Variants in KDM5C observed in about 807,000 individuals in gnomAD.
KDM5C encodes lysine demethylase 5C, also known as lysine-specific demethylase 5C.
KDM5C carries 16 observed loss-of-function variants against 110.6 expected under a neutral mutation model. The observed-to-expected ratio is 0.14, with a 90% CI of 0.10 to 0.22. The LOEUF is 0.22. KDM5C is among the 10% of genes least tolerant of loss of function. The pLI is 1.00. For missense variants in KDM5C, 681 were observed against 1,300.9 expected (o/e 0.52, Z 7.33); for synonymous variants, 511 against 520.4 (o/e 0.98, Z 0.24).
chrX:53,198,965 G>A lies in KDM5C; in HGVS notation c.2243+12C>T. On this transcript the variant is annotated intron_variant, in intron 15 of 25. Coordinates refer to ENST00000375401, the MANE Select transcript of KDM5C (RefSeq NM_004187.5). ...TTCTTGCCCCACTTCCTCCAGAAAGGCCCATGCTCACCGCAGGTACTGCCG... is the reference window on the plus strand; with the variant it reads ...TTCTTGCCCCACTTCCTCCAGAAAGACCCATGCTCACCGCAGGTACTGCCG... 3.3e-6 allele frequency: 4 copies of A among 1,211,755 alleles called. No individual in the cohort carries two copies. Among genetic ancestry groups the A allele is most frequent in the Non-Finnish European group, 4.5e-6 (4 of 895,342 alleles).
chrX:53,223,325 C>T (rs1361807138), intron 1 of KDM5C, among the ~76,000 whole-genome samples: 1 of 111,482 alleles, frequency 9.0e-6, no homozygotes, highest in Non-Finnish European at 1.9e-5. Flanking sequence ...TGACCCTCTA[C>T]CCACTGCCAC....
intron 7 of KDM5C, 115 bp downstream of exon 7, chrX:53,215,680 G>A (rs2073720107): frequency 1.3e-6 from 1 of 750,067 alleles, no homozygotes. Context: ...CCTGAGGGCA[G>A]GGCCCATGGA....
Position 53,215,170 on chromosome X carries a change from C to G in KDM5C, c.964-323G>C, listed in dbSNP as rs781787160. On this transcript the variant is annotated intron_variant, in intron 7 of 25. Coordinates refer to ENST00000375401, the MANE Select transcript of KDM5C (RefSeq NM_004187.5). ...ATGTGTTCATAAAAATTAAAAATTG[C>G]CAATAGCGGTCCATAAAGGGCACTG... is the stretch of plus-strand genomic sequence containing the variant. The G allele has an allele frequency of 7.3e-6, 3 of 410,346 alleles. No homozygotes were observed. The East Asian group carries it at 1.7e-4, about 24-fold the overall frequency. 33.8% of individuals were successfully genotyped at this position (410,346 alleles called of 1,213,427 possible). A position where few individuals can be genotyped will look rare whatever the true frequency, so the allele number is the denominator to read the frequency against.
At chrX:53,180,446 G>C (rs1164679320) in intron 25 of KDM5C, among the ~76,000 whole-genome samples, 1 of 111,680 alleles carries the variant, frequency 9.0e-6, no homozygotes, top group Non-Finnish European at 1.9e-5. Flanking sequence ...TTATGTGCCA[G>C]TGTATTGACT....
At chrX:53,216,294 A>T (rs2073739336) in intron 5 of KDM5C, 97 bp from the exon 6 acceptor site, 2 of 1,087,799 alleles carry the variant, frequency 1.8e-6, no homozygotes, top group African/African-American at 3.6e-5. Flanking sequence ...ACCTGATCTC[A>T]TGCTGAGGGC....
chrX:53,223,982 C>A lies in KDM5C; in HGVS notation c.150+758G>T, dbSNP rs1302402625. 2.7e-5 allele frequency among the ~76,000 whole-genome samples: 3 copies of A among 112,404 alleles called. No individual in the cohort carries two copies. The Admixed American group carries it at 2.8e-4, about 11-fold the overall frequency. On this transcript the variant is annotated intron_variant, in intron 1 of 25. Coordinates refer to ENST00000375401, the MANE Select transcript of KDM5C (RefSeq NM_004187.5). ...AAAGAAGAGGACAATTCCCTGAACC[C>A]ACCTCAAGGGAGACAGAGCAATCCC...
intron 22 of KDM5C, 45 bp downstream of exon 22, chrX:53,194,886 T>TAG: frequency 1.7e-6 from 2 of 1,205,943 alleles, no homozygotes; most frequent in Non-Finnish European, 1.1e-6. Context: ...TCAGACACTC[T>TAG]ATCATCACCA....
At chrX:53,188,376 CCTA>C (rs1485718169), downstream of KDM5C, among the ~76,000 whole-genome samples, 1 of 108,803 alleles carries the variant, frequency 9.2e-6, no homozygotes, top group East Asian at 2.9e-4. Flanking sequence ...TAGTAACTGA[CCTA>C]CTTTTTTTTT....
intron 25 of KDM5C, among the ~76,000 whole-genome samples, chrX:53,181,241 T>A (rs1934038856): frequency 9.0e-6 from 1 of 111,230 alleles, no homozygotes; most frequent in Non-Finnish European, 1.9e-5. Context: ...TCCTGCAGGT[T>A]GCTGAATTAC....
chrX:53,213,471 G>A (rs2073641870), intron 8 of KDM5C, among the ~76,000 whole-genome samples: 1 of 112,122 alleles, frequency 8.9e-6, no homozygotes, highest in Non-Finnish European at 1.9e-5. Context: ...AAATGTAGAA[G>A]GTAAGTACCG....
At chrX:53,194,845 G>T in intron 22 of KDM5C, 86 bp downstream of exon 22, 1 of 1,191,053 alleles carries the variant, frequency 8.4e-7, no homozygotes. Flanking sequence ...TGAGGCTCAG[G>T]GGACAAGCGG....
downstream of KDM5C, chrX:53,191,377 G>C (rs1393910644): frequency 5.8e-6 from 1 of 173,665 alleles, no homozygotes; most frequent in African/African-American, 2.9e-5. Flanking sequence ...AATGGGATGA[G>C]GGGTAAAGGA....
At chrX:53,218,645 G>C (rs782332810) in intron 2 of KDM5C, 1 of 454,222 alleles carries the variant, frequency 2.2e-6, no homozygotes, top group South Asian at 2.6e-5. Context: ...GTGCAATCAC[G>C]GCTGACTGTA....
At chrX:53,176,838 A>T (rs1258293763) in intron 25 of KDM5C, among the ~76,000 whole-genome samples, 1 of 112,480 alleles carries the variant, frequency 8.9e-6, no homozygotes, top group African/African-American at 3.2e-5. Flanking sequence ...AAACAGGCAA[A>T]ACTAAACTAC....
At chrX:53,208,444 C>T (rs201672893) in intron 12 of KDM5C, among the ~76,000 whole-genome samples, 83 of 95,496 alleles carry the variant, frequency 8.7e-4, no homozygotes, top group East Asian at 5.4e-3. Flanking sequence ...TATATATATA[C>T]ACACACACAT....
chrX:53,215,060 C>T (rs1434820701), intron 7 of KDM5C: 8 of 495,880 alleles, frequency 1.6e-5, no homozygotes, highest in Non-Finnish European at 2.9e-5. Context: ...TAAACACTTA[C>T]TAAACCCGTA....
In KDM5C at chrX:53,192,864, C is replaced by CCCG; in HGVS notation, c.*102_*103insCGG. 2 of 797,213 alleles carry CCCG rather than the reference C, an allele frequency of 2.5e-6. No individual in the cohort carries two copies. The highest frequency in any genetic ancestry group is 3.4e-6 in the Non-Finnish European group (2 of 590,981). The allele number at this position is 797,213 out of a possible 1,213,427, so 65.7% of individuals were successfully genotyped here. A position where few individuals can be genotyped will look rare whatever the true frequency, so the allele number is the denominator to read the frequency against. On this transcript the variant is annotated 3_prime_UTR_variant, in exon 26 of 26. Coordinates refer to ENST00000375401, the MANE Select transcript of KDM5C (RefSeq NM_004187.5). ...TGGGCGGGTAGCAGGGATGGCCACCCCCCTACCCGCCCACCCCCCAAGAAG... is the reference window on the plus strand; with the variant it reads ...TGGGCGGGTAGCAGGGATGGCCACCCCCGCCCTACCCGCCCACCCCCCAAGAAG...
chrX:53,218,265 C>T lies in KDM5C; in HGVS notation c.351+11G>A, dbSNP rs2073802827. 1 of 1,209,561 alleles carries T rather than the reference C, an allele frequency of 8.3e-7. No homozygotes were observed. The highest frequency in any genetic ancestry group is 1.1e-6 in the Non-Finnish European group (1 of 894,979). On this transcript the variant is annotated intron_variant, in intron 3 of 25. Transcript: ENST00000375401. ...TGGTGGGAGGGGTGCTTGACAAAAACCTGTTCTTACTTTGCTGAGACTGTA... is the reference window on the plus strand; with the variant it reads ...TGGTGGGAGGGGTGCTTGACAAAAATCTGTTCTTACTTTGCTGAGACTGTA...
intron 1 of KDM5C, among the ~76,000 whole-genome samples, chrX:53,224,062 T>C (rs782728854): frequency 3.6e-5 from 4 of 112,476 alleles, no homozygotes; most frequent in Non-Finnish European, 5.6e-5. Flanking sequence ...CATAGATGAA[T>C]TGGCCTGGCA....
Sources: allele counts gnomAD v4.1 joint callset (sites outside exome capture counted in the v4.1 genomes callset), GRCh38; gene constraint gnomAD v4.1.1; transcripts MANE v1.5; gene names NCBI Gene and HGNC (gene_info 2026-07-23, HGNC 2026-07-21).